Variants in PDE1A observed in about 807,000 individuals in gnomAD.
PDE1A encodes the protein phosphodiesterase 1A.
PDE1A carries 35 observed loss-of-function variants against 61.7 expected under a neutral mutation model. That is an observed-to-expected ratio of 0.57 (90% CI 0.43 to 0.75). PDE1A has a LOEUF of 0.75. Ranked by LOEUF, PDE1A falls within the 30% of genes least tolerant of loss-of-function variation. PDE1A has a pLI of 0.00. For synonymous variants in PDE1A, 232 were observed against 213.2 expected (o/e 1.09, Z -0.77); for missense variants, 597 against 630.6 (o/e 0.95, Z 0.57).
intron 1 of PDE1A, among the ~76,000 whole-genome samples, chr2:182,363,655 G>C (rs145156593): frequency 0.012 from 1,901 of 152,092 alleles, 24 homozygotes; most frequent in South Asian, 0.048. Context: ...ATTGCAGCTG[G>C]GGACAGAGTA....
At chr2:182,295,059 T>TTTTTTTTTTTG (rs1694789261) in intron 1 of PDE1A, among the ~76,000 whole-genome samples, 1 of 69,528 alleles carries the variant, frequency 1.4e-5, no homozygotes, top group Non-Finnish European at 2.9e-5. Flanking sequence ...AAGGTAATCT[T>TTTTTTTTTTTG]TTTTTTTTTT....
At chr2:182,375,467 G>C (rs1191995355) in intron 1 of PDE1A, among the ~76,000 whole-genome samples, 1 of 152,200 alleles carries the variant, frequency 6.6e-6, no homozygotes, top group Non-Finnish European at 1.5e-5. Context: ...TTTGACTCCA[G>C]GTCTTACATC....
intron 13 of PDE1A, among the ~76,000 whole-genome samples, chr2:182,171,642 C>T (rs1432635991): frequency 6.6e-6 from 1 of 151,612 alleles, no homozygotes; most frequent in African/African-American, 2.4e-5. Flanking sequence ...GAAGTATTTT[C>T]AGCACTTGGA....
At chr2:182,610,908 A>G in the PDE1A span, among the ~76,000 whole-genome samples, 1 of 152,272 alleles carries the variant, frequency 6.6e-6, no homozygotes, top group Non-Finnish European at 1.5e-5. Context: ...AGTAAATTAT[A>G]TAACAGTGGT....
At position 182,326,119 on chromosome 2, in the gene PDE1A, A is replaced by AT. The variant is rs760322210; in HGVS notation, c.54-61706dup. On this transcript the variant is annotated intron_variant, in intron 1 of 13. Transcript: ENST00000351439. ...ACCAATTAGGATGACAAGTATATAT[A>AT]TATTTTTTAAAAAGAACAGAAAATA... Among the ~76,000 whole-genome samples, 461 of 142,468 alleles carry AT rather than the reference A, an allele frequency of 3.2e-3. 1 individual carries two copies. The highest frequency in any genetic ancestry group is 5.9e-3 in the Non-Finnish European group (375 of 63,662). The allele number at this position is 142,468 out of a possible 152,430, so 93.5% of individuals were successfully genotyped here.
chr2:182,246,526 C>T (rs898375168), intron 2 of PDE1A, among the ~76,000 whole-genome samples: 1 of 151,424 alleles, frequency 6.6e-6, no homozygotes, highest in Middle Eastern at 3.4e-3. Context: ...GCCTCAGCCT[C>T]CCAAGTTGCT....
intron 1 of PDE1A, chr2:182,522,511 G>A (rs1326558832): frequency 2.0e-6 from 3 of 1,480,630 alleles, no homozygotes; most frequent in Non-Finnish European, 2.7e-6. Context: ...GTACAAAGCT[G>A]AGGGAAGACT....
At chr2:182,349,530 G>T (rs114179655) in intron 1 of PDE1A, among the ~76,000 whole-genome samples, 1 of 152,186 alleles carries the variant, frequency 6.6e-6, no homozygotes. Context: ...TGAAAGGCAC[G>T]TGAAATTTCT....
intron 2 of PDE1A, among the ~76,000 whole-genome samples, chr2:182,507,929 T>C (rs1168721654): frequency 6.6e-6 from 1 of 152,068 alleles, no homozygotes; most frequent in Non-Finnish European, 1.5e-5. Flanking sequence ...GTAGTTTAAG[T>C]TCTGTTTGGG....
intron 2 of PDE1A, among the ~76,000 whole-genome samples, chr2:182,257,654 A>G (rs1342059693): frequency 6.6e-6 from 1 of 152,198 alleles, no homozygotes; most frequent in Non-Finnish European, 1.5e-5. Flanking sequence ...ACAGTCTTTT[A>G]ACATAGGGGT....
At chr2:182,185,848 G>A (rs1317080728) in intron 13 of PDE1A, 44 bp downstream of exon 13, 2 of 1,611,724 alleles carry the variant, frequency 1.2e-6, no homozygotes, top group African/African-American at 1.3e-5. Context: ...GAGGAGAAGT[G>A]AAGACAGAGA....
chr2:182,634,349 C>T, the PDE1A span, among the ~76,000 whole-genome samples: 166 of 152,172 alleles, frequency 1.1e-3, no homozygotes, highest in Non-Finnish European at 1.9e-3. Flanking sequence ...GTAATGCAGT[C>T]TAGTGTTTCC....
chr2:182,530,050 T>A, the PDE1A span, among the ~76,000 whole-genome samples: 2 of 152,156 alleles, frequency 1.3e-5, no homozygotes, highest in African/African-American at 4.8e-5. Flanking sequence ...CCAGAATCAG[T>A]GGAAAACAAG....
intron 2 of PDE1A, among the ~76,000 whole-genome samples, chr2:182,433,078 T>C (rs1197183850): frequency 6.6e-6 from 1 of 152,058 alleles, no homozygotes; most frequent in East Asian, 1.9e-4. Context: ...CCTCCTACTG[T>C]GGTCATGGCA....
intron 4 of PDE1A, among the ~76,000 whole-genome samples, chr2:182,232,127 C>T (rs143098865): frequency 3.7e-4 from 56 of 152,170 alleles, no homozygotes; most frequent in Middle Eastern, 3.4e-3. Context: ...TAGTAATACT[C>T]GCATTTCATG....
intron 1 of PDE1A, among the ~76,000 whole-genome samples, chr2:182,425,333 A>G (rs1703547340): frequency 6.6e-6 from 1 of 152,180 alleles, no homozygotes; most frequent in Non-Finnish European, 1.5e-5. Flanking sequence ...ACTACATACA[A>G]TTGGAAGAAC....
chr2:182,204,604 A>T (rs1686942627), intron 8 of PDE1A, among the ~76,000 whole-genome samples: 1 of 152,250 alleles, frequency 6.6e-6, no homozygotes, highest in African/African-American at 2.4e-5. Context: ...TTTCTTAATA[A>T]CATTTTCTTC....
chr2:182,368,335 C>CA (rs1253689480), intron 1 of PDE1A, among the ~76,000 whole-genome samples: 7 of 137,234 alleles, frequency 5.1e-5, no homozygotes, highest in African/African-American at 1.8e-4. Flanking sequence ...AACACCCCAG[C>CA]CCCCCCCACC....
At chr2:182,175,283 A>T (rs536310366) in intron 13 of PDE1A, among the ~76,000 whole-genome samples, 1 of 152,160 alleles carries the variant, frequency 6.6e-6, no homozygotes, top group Non-Finnish European at 1.5e-5. Flanking sequence ...TGGTTGAACT[A>T]ATTTACCCTC....
Sources: gnomAD v4.1 joint callset for allele counts (sites outside exome capture counted in the v4.1 genomes callset) on GRCh38, gnomAD v4.1.1 for gene constraint, MANE v1.5 for transcripts, NCBI Gene and HGNC (gene_info 2026-07-23, HGNC 2026-07-21) for gene names.